The following PARP10 variants were observed in gnomAD, a reference collection of about 807,000 sequenced individuals.
The protein encoded by PARP10 is poly(ADP-ribose) polymerase family member 10.
PARP10 carries 56 observed loss-of-function variants against 82.4 expected under a neutral mutation model. The ratio of observed to expected loss-of-function variants is 0.68; its 90% CI spans 0.55 to 0.85. The LOEUF is 0.85. Ranked by LOEUF, PARP10 falls within the 40% of genes least tolerant of loss-of-function variation. The pLI is 0.00. For synonymous variants in PARP10, 576 were observed against 601.1 expected, an observed-to-expected ratio of 0.96 and a Z score of 0.61; for missense variants, 1,227 against 1,379.4, an observed-to-expected ratio of 0.89 and a Z score of 1.75.
intron 9 of PARP10, among the ~76,000 whole-genome samples, chr8:143,978,884 CAAG>C (rs1833783514): frequency 6.6e-6 from 1 of 152,112 alleles, no homozygotes; most frequent in Admixed American, 6.5e-5. Flanking sequence ...CGTGAAATGC[CAAG>C]AAGGACAATG....
At chr8:143,996,348 C>T (rs544034774) in intron 1 of PARP10, among the ~76,000 whole-genome samples, 1 of 152,364 alleles carries the variant, frequency 6.6e-6, no homozygotes, top group South Asian at 2.1e-4. Context: ...AACAAAATGT[C>T]CAAGTCTCCA....
intron 1 of PARP10, among the ~76,000 whole-genome samples, chr8:144,003,875 A>T (rs573807061): frequency 1.1e-3 from 170 of 151,118 alleles, no homozygotes; most frequent in African/African-American, 2.8e-3. Flanking sequence ...AAAAAAAAAA[A>T]TTTTTTTTAA....
chr8:143,985,916 G>T lies in PARP10; in HGVS notation c.241C>A (p.Arg81=), dbSNP rs921395867. ...HELHGAQLSL[R]PAPPRAPARL... is the part of the protein sequence containing the mutation. Reference sequence around the variant, plus strand: ...GCAGGGGCTCGTGGTGGAGCTGGCCGCAGGCTCAGCTGGGCACCATGTAGT... The same window carrying T: ...GCAGGGGCTCGTGGTGGAGCTGGCCTCAGGCTCAGCTGGGCACCATGTAGT... The change falls in exon 3 of 11, where the codon CGG becomes AGG. Residue 81 remains arginine (R), a synonymous_variant. Coordinates refer to ENST00000313028, the MANE Select transcript of PARP10 (RefSeq NM_032789.5). 3 of 1,577,962 alleles carry T rather than the reference G, an allele frequency of 1.9e-6. No homozygotes were observed. Among genetic ancestry groups the T allele is most frequent in the African/African-American group, 1.3e-5 (1 of 74,280 alleles).
upstream of PARP10, chr8:143,990,006 C>T (rs1834062748): frequency 1.3e-5 from 2 of 151,386 alleles, no homozygotes; most frequent in African/African-American, 2.4e-5. The surrounding 1 kb of genome is among the most constrained non-coding windows in gnomAD (Gnocchi z 5.6). Context: ...CGCCCACCTG[C>T]CCCTCCCACC....
intron 1 of PARP10, among the ~76,000 whole-genome samples, chr8:144,005,700 A>G (rs2133081001): frequency 6.6e-6 from 1 of 151,482 alleles, no homozygotes; most frequent in East Asian, 1.9e-4. Context: ...TCAAAAACAC[A>G]CCAAGCCTGC....
At chr8:143,990,599 G>C (rs1275388933), upstream of PARP10, 1 of 147,512 alleles carries the variant, frequency 6.8e-6, no homozygotes, top group East Asian at 2.1e-4. This position sits in a 1 kb window ranked among gnomAD's most constrained non-coding sequence, Gnocchi z 5.6. Flanking sequence ...CGCTGTTCCC[G>C]GCGTACCCCA....
At chr8:144,005,829 G>A (rs1007034491) in intron 1 of PARP10, among the ~76,000 whole-genome samples, 3 of 151,958 alleles carry the variant, frequency 2.0e-5, no homozygotes, top group Non-Finnish European at 4.4e-5. Context: ...GAGGCCTCCA[G>A]ACCACTCCAT....
chr8:143,977,624 C>A lies in PARP10; in HGVS notation c.2938G>T (p.Asp980Tyr). ...AAGATGCTGGGCTGGCAGATGCAGT[C>A]CACGGCGCTGTCGTAGCGCAGGAGC... Reference protein sequence around the residue: ...HVLLRYDSAVDCICQPSIFVI... With the variant: ...HVLLRYDSAVYCICQPSIFVI... Residue 980 changes from aspartate (D) to tyrosine (Y), a missense_variant, in exon 11 of 11, where the codon GAC (aspartate) becomes TAC (tyrosine). Transcript: ENST00000313028. The A allele has an allele frequency of 6.3e-7, 1 of 1,591,102 alleles. No individual in the cohort carries two copies. The highest frequency in any genetic ancestry group is 8.5e-7 in the Non-Finnish European group (1 of 1,169,726).
At chr8:143,982,817 T>C in intron 9 of PARP10, 115 bp downstream of exon 9, 1 of 1,492,462 alleles carries the variant, frequency 6.7e-7, no homozygotes, top group Non-Finnish European at 9.0e-7. Context: ...GCCTGTCAGC[T>C]CCTGGTCAGC....
chr8:143,992,242 C>T (rs781789043), upstream of PARP10: 2 of 1,603,948 alleles, frequency 1.2e-6, no homozygotes, highest in South Asian at 2.2e-5. Flanking sequence ...CTCCCAACTG[C>T]AGTCGGTCCT....
intron 1 of PARP10, among the ~76,000 whole-genome samples, chr8:143,999,668 A>G (rs534683051): frequency 7.0e-6 from 1 of 143,364 alleles, no homozygotes; most frequent in South Asian, 2.2e-4. Context: ...TTTTTTTTTA[A>G]TTTTTATTTT....
At chr8:143,993,830 T>C (rs1554750990), upstream of PARP10, among the ~76,000 whole-genome samples, 2 of 152,202 alleles carry the variant, frequency 1.3e-5, no homozygotes, top group African/African-American at 2.4e-5. Context: ...GGCACCCTGA[T>C]ATTCCACCCA....
intron 1 of PARP10, among the ~76,000 whole-genome samples, chr8:144,003,150 C>T (rs182767527): frequency 2.0e-5 from 3 of 152,274 alleles, no homozygotes; most frequent in Admixed American, 6.5e-5. Context: ...CAGCCGGGCA[C>T]GGTGGCTCAC....
At chr8:144,009,206 T>C (rs1271138150) in intron 1 of PARP10, among the ~76,000 whole-genome samples, 1 of 152,178 alleles carries the variant, frequency 6.6e-6, no homozygotes, top group African/African-American at 2.4e-5. Context: ...CACTCACTGC[T>C]CAGACTTGTG....
upstream of PARP10, chr8:143,991,630 TG>T (rs1299803864): frequency 2.0e-6 from 3 of 1,535,680 alleles, no homozygotes; most frequent in Admixed American, 1.7e-5. Flanking sequence ...AGGGGTGGGG[TG>T]GCCGGGAGGG....
In PARP10 at chr8:143,983,814, G is replaced by A. The variant is rs531225414; in HGVS notation, c.1778-3C>T. 2 of 1,573,398 alleles carry A rather than the reference G, an allele frequency of 1.3e-6. No individual in the cohort carries two copies. The highest frequency in any genetic ancestry group is 1.2e-5 in the South Asian group (1 of 85,012). ...GGCCAGCAGTTCTCGGACCTCCTCT[G>A]GGGGCAGGGAGAGGCCATTGGGTCA... On this transcript the variant is annotated splice_region_variant and splice_polypyrimidine_tract_variant and intron_variant, in intron 7 of 10. Coordinates refer to ENST00000313028, the MANE Select transcript of PARP10 (RefSeq NM_032789.5).
At chr8:143,981,293 GGTGGTGGTGGTA>G (rs1329174960) in intron 9 of PARP10, among the ~76,000 whole-genome samples, 95 of 149,988 alleles carry the variant, frequency 6.3e-4, no homozygotes, top group Non-Finnish European at 1.1e-3. Flanking sequence ...TGGTGGCCAC[GGTGGTGGTGGTA>G]GTGGTGGTGG....
intron 1 of PARP10, among the ~76,000 whole-genome samples, chr8:144,001,276 G>C (rs1458124141): frequency 1.3e-5 from 2 of 152,024 alleles, no homozygotes; most frequent in African/African-American, 2.4e-5. Flanking sequence ...CAGAGGCATG[G>C]TCACGGCTCA....
At chr8:144,006,886 C>T (rs1437512753) in intron 1 of PARP10, among the ~76,000 whole-genome samples, 4 of 152,206 alleles carry the variant, frequency 2.6e-5, no homozygotes, top group Non-Finnish European at 5.9e-5. Context: ...GCTTAAGCTG[C>T]CAAGTCCATG....
Sources: gnomAD v4.1 joint callset for allele counts (sites outside exome capture counted in the v4.1 genomes callset) on GRCh38, gnomAD v4.1.1 for gene constraint, Gnocchi (gnomAD v3.1) non-coding constraint, MANE v1.5 for transcripts, NCBI Gene and HGNC (gene_info 2026-07-23, HGNC 2026-07-21) for gene names.